Variants in NTF3 observed in about 807,000 individuals in gnomAD.
The protein encoded by NTF3 is neurotrophin 3.
In NTF3, 8 loss-of-function variants were observed where a neutral mutation model predicts 26.3. The ratio of observed to expected loss-of-function variants is 0.30; its 90% CI spans 0.18 to 0.55. The LOEUF (loss-of-function observed/expected upper bound fraction) is 0.55. NTF3 is among the 20% of genes least tolerant of loss of function. NTF3 has a pLI of 0.93. For synonymous variants in NTF3, 154 were observed against 145.5 expected (o/e 1.06, Z -0.42); for missense variants, 276 against 352.9 (o/e 0.78, Z 1.75).
At chr12:5,479,989 G>A (rs780044269) in intron 1 of NTF3, among the ~76,000 whole-genome samples, 1 of 152,124 alleles carries the variant, frequency 6.6e-6, no homozygotes, top group Admixed American at 6.5e-5. Context: ...GGAGTCTGAG[G>A]CCTTTAAGGA....
intron 1 of NTF3, among the ~76,000 whole-genome samples, chr12:5,465,206 G>A (rs1467557782): frequency 2.0e-5 from 3 of 152,206 alleles, no homozygotes; most frequent in African/African-American, 7.2e-5. Context: ...CTGGAGCTGG[G>A]AGAGGCCACT....
At chr12:5,434,300 A>G (rs1268612074) in intron 1 of NTF3, among the ~76,000 whole-genome samples, 1 of 152,164 alleles carries the variant, frequency 6.6e-6, no homozygotes, top group East Asian at 1.9e-4. Flanking sequence ...AGGGAGATAG[A>G]AAGTCTGGGG....
intron 1 of NTF3, among the ~76,000 whole-genome samples, chr12:5,457,435 C>T (rs1940465893): frequency 6.6e-6 from 1 of 152,198 alleles, no homozygotes. Flanking sequence ...ATGATGTCTT[C>T]TTTCTTGAAA....
chr12:5,450,811 T>G (rs1276000678), intron 1 of NTF3, among the ~76,000 whole-genome samples: 1 of 152,232 alleles, frequency 6.6e-6, no homozygotes, highest in Non-Finnish European at 1.5e-5. Flanking sequence ...TATGATCTGA[T>G]TTTTCTATTA....
intron 1 of NTF3, among the ~76,000 whole-genome samples, chr12:5,466,819 AGACT>A (rs1267249699): frequency 1.3e-5 from 2 of 152,202 alleles, no homozygotes; most frequent in African/African-American, 4.8e-5. Flanking sequence ...ATCTGCCCTG[AGACT>A]GACTGTCAAA....
intron 1 of NTF3, among the ~76,000 whole-genome samples, chr12:5,436,813 A>T (rs1161157419): frequency 1.3e-5 from 2 of 152,236 alleles, no homozygotes; most frequent in African/African-American, 4.8e-5. Context: ...AACCTAGATT[A>T]TAGATGATGG....
chr12:5,464,544 G>A (rs541627275), intron 1 of NTF3, among the ~76,000 whole-genome samples: 11 of 152,178 alleles, frequency 7.2e-5, no homozygotes, highest in Non-Finnish European at 1.5e-4. Flanking sequence ...GGGGTCATAG[G>A]TTGAGGAGCA....
chr12:5,451,283 C>A (rs557591466), intron 1 of NTF3, among the ~76,000 whole-genome samples: 16 of 152,342 alleles, frequency 1.1e-4, no homozygotes, highest in African/African-American at 3.6e-4. Flanking sequence ...ATATTTAGTT[C>A]TTTTAATCTA....
At position 5,445,741 on chromosome 12, in the gene NTF3, A is replaced by T. The variant is rs374798647; in HGVS notation, c.18+13399A>T. On this transcript the variant is annotated intron_variant, in intron 1 of 1. Transcript: ENST00000423158. ...GCCACGTTGAGAACCACTAGCTGAC[A>T]CTGCTAATCTACTCTGCTCTCCTCC... 3.5e-4 allele frequency among the ~76,000 whole-genome samples: 54 copies of T among 152,316 alleles called. 3 individuals carry two copies. In the South Asian group the frequency reaches 0.011, roughly 30 times the overall value.
At chr12:5,464,693 TC>T (rs1483603344) in intron 1 of NTF3, among the ~76,000 whole-genome samples, 2 of 152,176 alleles carry the variant, frequency 1.3e-5, no homozygotes, top group African/African-American at 4.8e-5. Flanking sequence ...TAGAGAAGAT[TC>T]TGTGTCATCA....
chr12:5,470,759 C>T (rs927347881), intron 1 of NTF3, among the ~76,000 whole-genome samples: 1 of 152,196 alleles, frequency 6.6e-6, no homozygotes, highest in African/African-American at 2.4e-5. Context: ...GCTGTAAGAC[C>T]AGAAGACAGA....
At chr12:5,463,219 T>C (rs757419544) in intron 1 of NTF3, among the ~76,000 whole-genome samples, 14 of 152,148 alleles carry the variant, frequency 9.2e-5, no homozygotes, top group Non-Finnish European at 1.3e-4. Flanking sequence ...AAAATCATGA[T>C]TTCATACATC....
chr12:5,458,997 G>GA (rs1940490173), intron 1 of NTF3, among the ~76,000 whole-genome samples: 1 of 152,182 alleles, frequency 6.6e-6, no homozygotes, highest in Admixed American at 6.5e-5. Flanking sequence ...ACGTGCCATG[G>GA]AAAATCCCAC....
intron 1 of NTF3, among the ~76,000 whole-genome samples, chr12:5,459,108 G>A (rs1188227593): frequency 1.3e-5 from 2 of 152,112 alleles, no homozygotes; most frequent in Non-Finnish European, 2.9e-5. Context: ...TTTTTCCCCT[G>A]GTGAGCACTG....
intron 1 of NTF3, among the ~76,000 whole-genome samples, chr12:5,488,145 G>A (rs1940890206): frequency 6.6e-6 from 1 of 152,188 alleles, no homozygotes; most frequent in Non-Finnish European, 1.5e-5. Context: ...ACTCCTTGTA[G>A]CAATGCCAAG....
At chr12:5,488,459 A>ATC (rs1441839979) in intron 1 of NTF3, among the ~76,000 whole-genome samples, 4 of 152,082 alleles carry the variant, frequency 2.6e-5, no homozygotes, top group Admixed American at 2.6e-4. Flanking sequence ...CTCCACCAGG[A>ATC]TCTCTCTCTC....
At chr12:5,441,521 A>G (rs1940236139) in intron 1 of NTF3, among the ~76,000 whole-genome samples, 1 of 152,240 alleles carries the variant, frequency 6.6e-6, no homozygotes, top group African/African-American at 2.4e-5. Context: ...GCATTTCCCC[A>G]GAGAGCCTAA....
intron 1 of NTF3, among the ~76,000 whole-genome samples, chr12:5,444,661 G>A (rs1160438617): frequency 6.6e-6 from 1 of 151,812 alleles, no homozygotes; most frequent in Non-Finnish European, 1.5e-5. Flanking sequence ...GAGCCAACTG[G>A]GAGCTTACTT....
At chr12:5,482,520 A>C (rs554450159) in intron 1 of NTF3, among the ~76,000 whole-genome samples, 41 of 152,306 alleles carry the variant, frequency 2.7e-4, no homozygotes, top group African/African-American at 7.5e-4. Context: ...AGGGTGGAGC[A>C]GTCTCTAATG....
Sources: gnomAD v4.1 joint callset for allele counts (sites outside exome capture counted in the v4.1 genomes callset) on GRCh38, gnomAD v4.1.1 for gene constraint, MANE v1.5 for transcripts, NCBI Gene and HGNC (gene_info 2026-07-23, HGNC 2026-07-21) for gene names.